CLMP: variants seen among roughly 807,000 people sequenced by gnomAD.
CLMP encodes CXADR-like membrane protein.
A neutral mutation model predicts 45.2 loss-of-function variants in CLMP; 27 were observed. The observed-to-expected ratio is 0.60, with a 90% CI of 0.44 to 0.82. CLMP has a LOEUF of 0.82. CLMP is among the 40% of genes least tolerant of loss of function. CLMP has a pLI of 0.00. For synonymous variants in CLMP, 167 were observed against 171.4 expected (o/e 0.97, Z 0.20); for missense variants, 403 against 448.4 (o/e 0.90, Z 0.91).
chr11:123,096,707 T>G (rs929518097), intron 2 of CLMP, among the ~76,000 whole-genome samples: 4 of 152,224 alleles, frequency 2.6e-5, no homozygotes, highest in Non-Finnish European at 5.9e-5. Flanking sequence ...TGAAATCTGT[T>G]TTCAGTGAAA....
At chr11:123,188,246 G>T (rs1861858795) in intron 1 of CLMP, among the ~76,000 whole-genome samples, 1 of 152,132 alleles carries the variant, frequency 6.6e-6, no homozygotes, top group Admixed American at 6.6e-5. Flanking sequence ...GCCTGAAGTA[G>T]GAAATGTTAC....
chr11:123,152,071 A>G lies in CLMP; in HGVS notation c.28+42842T>C, dbSNP rs78738358. On this transcript the variant is annotated intron_variant, in intron 1 of 6. Coordinates refer to ENST00000448775, the MANE Select transcript of CLMP (RefSeq NM_024769.5). ...AGCAATTTAAACTCTCTTCCCCTCA[A>G]TTTCCTATAATAATCATTATGGAAT... 7.1e-3 allele frequency among the ~76,000 whole-genome samples: 1,085 copies of G among 152,196 alleles called. 5 individuals carry two copies. The highest frequency in any genetic ancestry group is 0.023 in the African/African-American group (970 of 41,508).
chr11:123,177,436 C>T (rs563486928), intron 1 of CLMP, among the ~76,000 whole-genome samples: 4 of 152,114 alleles, frequency 2.6e-5, no homozygotes, highest in South Asian at 2.1e-4. Context: ...AGGACCAACA[C>T]GTTTGGGTTA....
intron 1 of CLMP, among the ~76,000 whole-genome samples, chr11:123,170,307 A>T (rs917024238): frequency 4.7e-4 from 71 of 152,280 alleles, no homozygotes; most frequent in African/African-American, 1.6e-3. Flanking sequence ...CATGGTTTGT[A>T]GGGCAAACTC....
intron 1 of CLMP, among the ~76,000 whole-genome samples, chr11:123,138,451 T>C (rs1861107300): frequency 6.6e-6 from 1 of 152,154 alleles, no homozygotes; most frequent in Non-Finnish European, 1.5e-5. Context: ...GTATTTATGG[T>C]ATGTATTGTT....
At chr11:123,180,974 G>C (rs1389052586) in intron 1 of CLMP, among the ~76,000 whole-genome samples, 2 of 152,170 alleles carry the variant, frequency 1.3e-5, no homozygotes, top group South Asian at 2.1e-4. Context: ...CAAGCAGACT[G>C]GGGGCCCGGG....
chr11:123,175,411 T>A (rs1289401732), intron 1 of CLMP, among the ~76,000 whole-genome samples: 1 of 152,142 alleles, frequency 6.6e-6, no homozygotes, highest in African/African-American at 2.4e-5. Context: ...CACCCCATGA[T>A]CCAGTCACCT....
chr11:123,095,271 A>C (rs1031082842), intron 2 of CLMP, among the ~76,000 whole-genome samples: 1 of 151,346 alleles, frequency 6.6e-6, no homozygotes, highest in African/African-American at 2.4e-5. Flanking sequence ...GATGTGTGAA[A>C]TTGCTAATGA....
intron 1 of CLMP, among the ~76,000 whole-genome samples, chr11:123,140,506 T>TG (rs201721649): frequency 0.01 from 1,572 of 151,978 alleles, 28 homozygotes; most frequent in African/African-American, 0.035. Context: ...GATGACAATG[T>TG]GGGGGGGTGT....
At chr11:123,096,533 A>G (rs888011943) in intron 2 of CLMP, among the ~76,000 whole-genome samples, 1 of 152,160 alleles carries the variant, frequency 6.6e-6, no homozygotes, top group Admixed American at 6.6e-5. Flanking sequence ...CAAAATAAAA[A>G]AATAAATAAA....
At chr11:123,073,858 G>T in intron 6 of CLMP, 84 bp from the exon 7 acceptor site, 1 of 1,407,788 alleles carries the variant, frequency 7.1e-7, no homozygotes, top group Non-Finnish European at 9.6e-7. Context: ...GGTTTCCGAA[G>T]CTGTGAACCT....
At position 123,161,341 on chromosome 11, in the gene CLMP, C is replaced by T. The variant is rs192634344; in HGVS notation, c.28+33572G>A. On this transcript the variant is annotated intron_variant, in intron 1 of 6. Coordinates refer to ENST00000448775, the MANE Select transcript of CLMP (RefSeq NM_024769.5). ...CACTAAACCAGTCATGCTCAGCCTG[C>T]ATGTGAGAAGCACTGATTTTTTTTT... Among the ~76,000 whole-genome samples, 1,105 of 152,254 alleles carry T rather than the reference C, an allele frequency of 7.3e-3. 6 individuals carry two copies. Among genetic ancestry groups the T allele is most frequent in the South Asian group, 0.015 (72 of 4,824 alleles).
At chr11:123,165,307 G>T (rs1305796307) in intron 1 of CLMP, among the ~76,000 whole-genome samples, 1 of 152,144 alleles carries the variant, frequency 6.6e-6, no homozygotes, top group African/African-American at 2.4e-5. Context: ...TCCACCATAT[G>T]GTAAGTCTAA....
intron 1 of CLMP, among the ~76,000 whole-genome samples, chr11:123,171,177 T>C (rs1178100004): frequency 6.6e-6 from 1 of 151,870 alleles, no homozygotes; most frequent in Non-Finnish European, 1.5e-5. Flanking sequence ...TCATTCTAAG[T>C]AGAGGGAAGA....
intron 1 of CLMP, among the ~76,000 whole-genome samples, chr11:123,148,625 C>G (rs758587193): frequency 6.6e-6 from 1 of 152,182 alleles, no homozygotes; most frequent in Non-Finnish European, 1.5e-5. Flanking sequence ...ATCTTTACCT[C>G]CAGACTTCAG....
intron 1 of CLMP, among the ~76,000 whole-genome samples, chr11:123,185,387 GGAGAGAGA>G (rs149937458): frequency 6.7e-6 from 1 of 149,576 alleles, no homozygotes; most frequent in Admixed American, 6.7e-5. Flanking sequence ...TGGCGCCAGG[GGAGAGAGA>G]GAGAGAGAGA....
intron 2 of CLMP, among the ~76,000 whole-genome samples, chr11:123,096,476 A>G (rs964159544): frequency 1.2e-4 from 19 of 152,174 alleles, no homozygotes; most frequent in African/African-American, 4.6e-4. Flanking sequence ...GTGAGCTAAG[A>G]TTGAGCCATT....
At chr11:123,184,104 A>G (rs925500049) in intron 1 of CLMP, among the ~76,000 whole-genome samples, 2 of 152,108 alleles carry the variant, frequency 1.3e-5, no homozygotes, top group African/African-American at 2.4e-5. Context: ...TTAATTAATT[A>G]TTACTTTTTT....
intron 1 of CLMP, among the ~76,000 whole-genome samples, chr11:123,193,848 A>T (rs1861941302): frequency 6.6e-6 from 1 of 152,116 alleles, no homozygotes; most frequent in Admixed American, 6.5e-5. Flanking sequence ...GTCTGAGGCC[A>T]CCCAGCTAGT....
Sources: gnomAD v4.1 joint callset for allele counts (sites outside exome capture counted in the v4.1 genomes callset) on GRCh38, gnomAD v4.1.1 for gene constraint, MANE v1.5 for transcripts, NCBI Gene and HGNC (gene_info 2026-07-23, HGNC 2026-07-21) for gene names.